Variants in PCDH15 observed in about 807,000 individuals in gnomAD.
PCDH15 encodes the protein protocadherin-15.
In PCDH15, 129 loss-of-function variants were observed where a neutral mutation model predicts 178.5. The observed-to-expected ratio is 0.72, with a 90% CI of 0.63 to 0.84. The LOEUF is 0.84. PCDH15 is among the 40% of genes least tolerant of loss of function. PCDH15 has a pLI of 0.00. For missense variants in PCDH15, 2,230 were observed against 2,099.9 expected, an observed-to-expected ratio of 1.06 and a Z score of -1.21; for synonymous variants, 800 against 732.0, an observed-to-expected ratio of 1.09 and a Z score of -1.50.
intron 14 of PCDH15, among the ~76,000 whole-genome samples, chr10:54,141,085 CATATATGTATAT>C (rs1564518015): frequency 6.6e-6 from 1 of 150,718 alleles, no homozygotes; most frequent in Non-Finnish European, 1.5e-5. Context: ...CATAGGTATA[CATATATGTATAT>C]ATATTTGTAT....
In PCDH15 at chr10:54,302,137, A is replaced by G. The variant is rs5029855; in HGVS notation, c.876+15134T>C. On this transcript the variant is annotated intron_variant, in intron 8 of 37. Transcript: ENST00000644397. Reference sequence around the variant, plus strand: ...TAGATAATAATGAATAGCAGTCTGGATTTTCAAATAAATTATTTCAAGATG... The same window carrying G: ...TAGATAATAATGAATAGCAGTCTGGGTTTTCAAATAAATTATTTCAAGATG... Among the ~76,000 whole-genome samples, 1,353 of 152,254 alleles carry G rather than the reference A, an allele frequency of 8.9e-3. 26 individuals carry two copies. The highest frequency in any genetic ancestry group is 0.031 in the African/African-American group (1,279 of 41,532).
intron 20 of PCDH15, among the ~76,000 whole-genome samples, chr10:54,006,304 C>A (rs762411412): frequency 2.0e-5 from 3 of 152,054 alleles, no homozygotes; most frequent in Non-Finnish European, 4.4e-5. Context: ...TCTGAAAATG[C>A]GGACTAGAAG....
At chr10:54,673,730 G>A (rs2094724038) in intron 1 of PCDH15, among the ~76,000 whole-genome samples, 1 of 152,120 alleles carries the variant, frequency 6.6e-6, no homozygotes, top group African/African-American at 2.4e-5. Flanking sequence ...GAGCCACTGT[G>A]CCCGGCCAAC....
At position 55,544,139 on chromosome 10, in the gene PCDH15, CATATATAT is replaced by C. The variant is rs1176456895; in HGVS notation, c.-156+83478_-156+83485del. Among the ~76,000 whole-genome samples, 90 of 54,324 alleles carry C rather than the reference CATATATAT, an allele frequency of 1.7e-3. 1 individual carries two copies. The highest frequency in any genetic ancestry group is 7.2e-3 in the South Asian group (10 of 1,384). 35.6% of individuals were successfully genotyped at this position (54,324 alleles called of 152,430 possible). A position where few individuals can be genotyped will look rare whatever the true frequency, so the allele number is the denominator to read the frequency against. ...CAGTTTTCCTCAAATCTTATACATACATATATATATATATATATATATATATATATATA... is the reference window on the plus strand; with the variant it reads ...CAGTTTTCCTCAAATCTTATACATACATATATATATATATATATATATATA... On this transcript the variant is annotated intron_variant, in intron 2 of 5. Transcript: ENST00000613346.
At chr10:53,883,125 A>G (rs939567582) in intron 26 of PCDH15, among the ~76,000 whole-genome samples, 1 of 151,408 alleles carries the variant, frequency 6.6e-6, no homozygotes, top group Non-Finnish European at 1.5e-5. Context: ...ATGTATACAT[A>G]TAAAAATACA....
intron 2 of PCDH15, among the ~76,000 whole-genome samples, chr10:55,147,367 G>T (rs1210648003): frequency 2.0e-5 from 3 of 151,394 alleles, no homozygotes; most frequent in Non-Finnish European, 4.4e-5. Context: ...CAGAAAAATA[G>T]ATAATAGTAA....
intron 5 of PCDH15, among the ~76,000 whole-genome samples, chr10:54,351,896 T>C (rs1357693456): frequency 1.3e-5 from 2 of 152,120 alleles, no homozygotes; most frequent in African/African-American, 4.8e-5. Flanking sequence ...TAGGACCCAA[T>C]ACAGCAAGCA....
intron 2 of PCDH15, among the ~76,000 whole-genome samples, chr10:54,929,441 T>C (rs1837713014): frequency 6.6e-6 from 1 of 152,158 alleles, no homozygotes; most frequent in South Asian, 2.1e-4. Context: ...ATATGCAATT[T>C]TTTTGTTTCC....
At chr10:53,991,645 A>G (rs2048170991) in intron 21 of PCDH15, among the ~76,000 whole-genome samples, 1 of 151,946 alleles carries the variant, frequency 6.6e-6, no homozygotes. Context: ...AGGTTTGCAA[A>G]CACACCAGTC....
chr10:55,108,768 C>T (rs575126060), intron 2 of PCDH15, among the ~76,000 whole-genome samples: 41 of 151,726 alleles, frequency 2.7e-4, no homozygotes, highest in African/African-American at 9.9e-4. Flanking sequence ...TAGTTTCAGG[C>T]CTGAAATAGT....
intron 1 of PCDH15, among the ~76,000 whole-genome samples, chr10:55,290,385 T>C (rs996940714): frequency 6.7e-6 from 1 of 150,316 alleles, no homozygotes; most frequent in Non-Finnish European, 1.5e-5. Flanking sequence ...AATAAAGGTA[T>C]TGGGGTGAAG....
chr10:53,828,661 T>C, intron 30 of PCDH15, 88 bp from the exon 31 acceptor site: 2 of 1,103,072 alleles, frequency 1.8e-6, no homozygotes, highest in East Asian at 2.4e-5. Context: ...TTATTCTAAA[T>C]CATGAATAAT....
At chr10:54,804,653 A>T (rs1952745393), upstream of PCDH15, among the ~76,000 whole-genome samples, 1 of 151,680 alleles carries the variant, frequency 6.6e-6, no homozygotes, top group East Asian at 1.9e-4. Flanking sequence ...TCTTCATCTA[A>T]TTGTATTAGA....
At chr10:54,598,184 G>A (rs1051853411) in intron 2 of PCDH15, among the ~76,000 whole-genome samples, 2 of 151,884 alleles carry the variant, frequency 1.3e-5, no homozygotes, top group Non-Finnish European at 2.9e-5. Flanking sequence ...ACAAAAAAGA[G>A]AACTTTAGGC....
rs774215770 is a variant in PCDH15, at chr10:53,822,274, G to A, written c.4368-2044C>T. The stretch of plus-strand genomic sequence containing the variant: ...GGAATAGAAGGAGGTGGTGGAGGAA[G>A]AGGAGTTGGAAATGGAGGTAGAAGA... On this transcript the variant is annotated intron_variant, in intron 32 of 37. Coordinates refer to ENST00000644397, the MANE Select transcript of PCDH15 (RefSeq NM_001384140.1). 1 of 1,613,714 alleles carries A rather than the reference G, an allele frequency of 6.2e-7. No individual in the cohort carries two copies. The highest frequency in any genetic ancestry group is 8.5e-7 in the Non-Finnish European group (1 of 1,179,876).
intron 3 of PCDH15, among the ~76,000 whole-genome samples, chr10:54,811,605 G>C (rs747825670): frequency 2.0e-5 from 3 of 151,992 alleles, no homozygotes; most frequent in Non-Finnish European, 4.4e-5. Context: ...TGAGTCGCTG[G>C]GATTACAGCC....
chr10:55,539,180 A>G (rs901783632), intron 2 of PCDH15, among the ~76,000 whole-genome samples: 13 of 151,900 alleles, frequency 8.6e-5, no homozygotes, highest in Non-Finnish European at 1.0e-4. Flanking sequence ...ACACTAACTC[A>G]TAATAAATAT....
At position 53,857,202 on chromosome 10, in the gene PCDH15, A is replaced by G; in HGVS notation, c.3779T>C (p.Val1260Ala). Residue 1260 changes from valine (V) to alanine (A), a missense_variant, in exon 28 of 38, where the codon GTG (valine) becomes GCG (alanine). Transcript: ENST00000644397. ...TGTAAGATCTTCTATCTTTTTTTCC[A>G]CTAGAGTAGGAGGCACATTGGAAAC... ...VIVSNVPPTL[V>A]EKKIEDLTEI... is the part of the protein sequence containing the mutation. 1 of 1,609,194 alleles carries G rather than the reference A, an allele frequency of 6.2e-7. No individual in the cohort carries two copies. The highest frequency in any genetic ancestry group is 8.5e-7 in the Non-Finnish European group (1 of 1,175,946).
At chr10:54,892,015 T>C (rs987904266) in intron 3 of PCDH15, among the ~76,000 whole-genome samples, 4 of 152,120 alleles carry the variant, frequency 2.6e-5, no homozygotes, top group South Asian at 2.1e-4. Flanking sequence ...TTTTTATTTA[T>C]ATGATCATGA....
Sources: gnomAD v4.1 joint callset for allele counts (sites outside exome capture counted in the v4.1 genomes callset) on GRCh38, gnomAD v4.1.1 for gene constraint, MANE v1.5 for transcripts, NCBI Gene and HGNC (gene_info 2026-07-23, HGNC 2026-07-21) for gene names.